ENTREP2: variants seen among roughly 807,000 people sequenced by gnomAD.
The protein encoded by ENTREP2 is endosomal transmembrane epsin interactor 2, also known as protein ENTREP2.
At chr15:29,428,276 C>T in the ENTREP2 span, among the ~76,000 whole-genome samples, 7 of 152,130 alleles carry the variant, frequency 4.6e-5, no homozygotes, top group East Asian at 1.9e-4. Context: ...TGAAGTGGTT[C>T]GATCTTGGCT....
chr15:29,373,514 TTTGAG>T, the ENTREP2 span: 4 of 152,188 alleles, frequency 2.6e-5, no homozygotes, highest in Non-Finnish European at 5.9e-5. Context: ...GGCAGATTCA[TTTGAG>T]TTAACAAAAA....
chr15:29,267,376 T>C, the ENTREP2 span: 2 of 152,240 alleles, frequency 1.3e-5, no homozygotes, highest in Admixed American at 6.5e-5. Context: ...AATGGGACTA[T>C]GAACTCTTCT....
the ENTREP2 span, among the ~76,000 whole-genome samples, chr15:29,393,839 ATTAT>A: frequency 1.1e-4 from 17 of 152,248 alleles, no homozygotes; most frequent in African/African-American, 2.9e-4. Context: ...CACATATCCT[ATTAT>A]TTATTTACTC....
the ENTREP2 span, among the ~76,000 whole-genome samples, chr15:29,627,177 G>T: frequency 6.6e-6 from 1 of 152,032 alleles, no homozygotes; most frequent in African/African-American, 2.4e-5. Context: ...ATGCAGCTAT[G>T]GGCACTTTTA....
At chr15:29,674,672 G>A in the ENTREP2 span, among the ~76,000 whole-genome samples, 7 of 151,710 alleles carry the variant, frequency 4.6e-5, no homozygotes, top group African/African-American at 9.7e-5. Context: ...GTAAAAGAAC[G>A]GGCACTTTTC....
chr15:29,473,233 C>G, the ENTREP2 span, among the ~76,000 whole-genome samples: 1 of 152,144 alleles, frequency 6.6e-6, no homozygotes, highest in Non-Finnish European at 1.5e-5. Context: ...GCTCCCACCC[C>G]CTCCTTTCCC....
At chr15:29,257,233 C>A in the ENTREP2 span, among the ~76,000 whole-genome samples, 9 of 151,988 alleles carry the variant, frequency 5.9e-5, 1 homozygote, top group Non-Finnish European at 1.2e-4. Context: ...GCCACCACAC[C>A]GGGGTAATTT....
chr15:29,268,671 A>G, the ENTREP2 span: 3 of 942,896 alleles, frequency 3.2e-6, no homozygotes, highest in Non-Finnish European at 1.6e-6. Flanking sequence ...TCCTAAAGCT[A>G]CACACATTGA....
At chr15:29,645,043 G>A in the ENTREP2 span, among the ~76,000 whole-genome samples, 2 of 152,032 alleles carry the variant, frequency 1.3e-5, no homozygotes, top group Non-Finnish European at 2.9e-5. Context: ...ACGGCAAGGT[G>A]CCATCTCTGA....
the ENTREP2 span, among the ~76,000 whole-genome samples, chr15:29,226,784 G>A: frequency 6.6e-6 from 1 of 152,128 alleles, no homozygotes; most frequent in Non-Finnish European, 1.5e-5. Context: ...ATTCAAACAG[G>A]CTTTGGAAAA....
At chr15:29,540,657 C>T in the ENTREP2 span, among the ~76,000 whole-genome samples, 1 of 152,196 alleles carries the variant, frequency 6.6e-6, no homozygotes, top group Admixed American at 6.5e-5. Flanking sequence ...ACTTTGCCTG[C>T]CATCTATAAT....
chr15:29,329,260 G>A, the ENTREP2 span, among the ~76,000 whole-genome samples: 1 of 151,974 alleles, frequency 6.6e-6, no homozygotes, highest in African/African-American at 2.4e-5. Flanking sequence ...CTCCTCGGGA[G>A]GCTGAGGCAG....
the ENTREP2 span, among the ~76,000 whole-genome samples, chr15:29,654,817 CCTGA>C: frequency 2.4e-4 from 37 of 152,278 alleles, no homozygotes; most frequent in Admixed American, 1.2e-3. Context: ...ATATTTGTGT[CCTGA>C]CTAATACCTC....
the ENTREP2 span, among the ~76,000 whole-genome samples, chr15:29,583,243 G>A: frequency 6.6e-6 from 1 of 152,084 alleles, no homozygotes; most frequent in African/African-American, 2.4e-5. Flanking sequence ...ATTTCAAGTA[G>A]AAAGGACACA....
At chr15:29,269,259 G>C in the ENTREP2 span, 1 of 1,614,138 alleles carries the variant, frequency 6.2e-7, no homozygotes, top group Admixed American at 1.7e-5. Flanking sequence ...TGTAAGTGTT[G>C]CTCTTGGGTT....
chr15:29,480,318 C>A, the ENTREP2 span, among the ~76,000 whole-genome samples: 5 of 94,464 alleles, frequency 5.3e-5, no homozygotes, highest in Non-Finnish European at 9.7e-5. Flanking sequence ...AAAATGTGTA[C>A]ACAAGACCAT....
the ENTREP2 span, among the ~76,000 whole-genome samples, chr15:29,526,907 C>T: frequency 2.0e-5 from 3 of 152,256 alleles, no homozygotes; most frequent in South Asian, 6.2e-4. Flanking sequence ...TGATTTTCCA[C>T]AAAACCTGTC....
chr15:29,452,243 C>T, the ENTREP2 span, among the ~76,000 whole-genome samples: 5 of 152,150 alleles, frequency 3.3e-5, no homozygotes, highest in African/African-American at 1.2e-4. Context: ...CTGGTGCTGA[C>T]AGCCCCTCAC....
chr15:29,639,335 T>C, the ENTREP2 span, among the ~76,000 whole-genome samples: 1 of 152,210 alleles, frequency 6.6e-6, no homozygotes, highest in Non-Finnish European at 1.5e-5. Flanking sequence ...TTATCATAAT[T>C]ATCTGTCGGT....
Sources: gnomAD v4.1 joint callset for allele counts (sites outside exome capture counted in the v4.1 genomes callset) on GRCh38, gnomAD v4.1.1 for gene constraint, MANE v1.5 for transcripts, NCBI Gene and HGNC (gene_info 2026-07-23, HGNC 2026-07-21) for gene names.